UBE2R2: variants seen among roughly 807,000 people sequenced by gnomAD.
UBE2R2 encodes the protein ubiquitin conjugating enzyme E2 R2, also known as ubiquitin-conjugating enzyme E2 R2.
Under a neutral mutation model 27.8 loss-of-function variants are expected in UBE2R2, and 1 was observed. The ratio of observed to expected loss-of-function variants is 0.04; its 90% CI spans 0.01 to 0.17. UBE2R2 has a LOEUF of 0.17. UBE2R2 is among the 10% of genes least tolerant of loss of function. The pLI is 1.00. For missense variants in UBE2R2, 100 were observed against 291.0 expected, an observed-to-expected ratio of 0.34 and a Z score of 4.78; for synonymous variants, 106 against 113.3, an observed-to-expected ratio of 0.94 and a Z score of 0.41.
chr9:33,843,552 C>A (rs1820776724), intron 1 of UBE2R2, among the ~76,000 whole-genome samples: 1 of 151,702 alleles, frequency 6.6e-6, no homozygotes, highest in Non-Finnish European at 1.5e-5. Flanking sequence ...GATCTCAGCT[C>A]ACTGCAACCT....
intron 1 of UBE2R2, among the ~76,000 whole-genome samples, chr9:33,828,216 C>T (rs1290108574): frequency 1.3e-5 from 2 of 149,278 alleles, no homozygotes; most frequent in South Asian, 2.1e-4. Context: ...GCAGAAGAAT[C>T]GCTTGAACCT....
chr9:33,830,347 G>A (rs1205191725), intron 1 of UBE2R2, among the ~76,000 whole-genome samples: 1 of 148,738 alleles, frequency 6.7e-6, no homozygotes, highest in African/African-American at 2.5e-5. Flanking sequence ...GGTAGAGACG[G>A]GGTTTCACCA....
intron 2 of UBE2R2, among the ~76,000 whole-genome samples, chr9:33,890,836 A>C (rs11791701): frequency 0.26 from 40,254 of 151,928 alleles, 5,519 homozygotes; most frequent in South Asian, 0.4. Flanking sequence ...TGGGGGAAGA[A>C]GTGACAAATC....
At chr9:33,837,316 T>G (rs1820635443) in intron 1 of UBE2R2, among the ~76,000 whole-genome samples, 1 of 152,018 alleles carries the variant, frequency 6.6e-6, no homozygotes, top group Non-Finnish European at 1.5e-5. Context: ...CCTCCTGGGC[T>G]CAAGCGATAT....
At chr9:33,874,147 C>T (rs183728778) in intron 1 of UBE2R2, among the ~76,000 whole-genome samples, 10 of 152,144 alleles carry the variant, frequency 6.6e-5, no homozygotes, top group Admixed American at 6.6e-4. Context: ...GGGGTTTCAC[C>T]ATGTTGGCCA....
At chr9:33,827,148 T>A (rs922251936) in intron 1 of UBE2R2, among the ~76,000 whole-genome samples, 23 of 152,160 alleles carry the variant, frequency 1.5e-4, no homozygotes, top group Admixed American at 7.2e-4. Flanking sequence ...TATTATTATT[T>A]TTTGACGCTG....
At chr9:33,907,939 C>T (rs992694223) in intron 3 of UBE2R2, among the ~76,000 whole-genome samples, 4 of 152,064 alleles carry the variant, frequency 2.6e-5, no homozygotes, top group Non-Finnish European at 5.9e-5. Context: ...AACGATTCTC[C>T]TGCCTCAGCC....
At chr9:33,858,925 A>G (rs1468458343) in intron 1 of UBE2R2, among the ~76,000 whole-genome samples, 1 of 152,034 alleles carries the variant, frequency 6.6e-6, no homozygotes, top group Non-Finnish European at 1.5e-5. Context: ...CCCTGGGTTC[A>G]AGCAGTTCTC....
chr9:33,917,651 G>T lies in UBE2R2; in HGVS notation c.*414G>T. On this transcript the variant is annotated 3_prime_UTR_variant, in exon 5 of 5. Coordinates refer to ENST00000263228, the MANE Select transcript of UBE2R2 (RefSeq NM_017811.4). Reference sequence around the variant, plus strand: ...AACCTGTTGGGAGTTCACAAGTGCTGCATATACTGGGTAGCAAAAGAAAAT... The same window carrying T: ...AACCTGTTGGGAGTTCACAAGTGCTTCATATACTGGGTAGCAAAAGAAAAT... The T allele has an allele frequency of 3.4e-6, 1 of 297,554 alleles. No individual in the cohort carries two copies. Among genetic ancestry groups the T allele is most frequent in the Non-Finnish European group, 6.1e-6 (1 of 163,068 alleles). The allele number at this position is 297,554 out of a possible 1,614,324, so 18.4% of individuals were successfully genotyped here.
intron 1 of UBE2R2, among the ~76,000 whole-genome samples, chr9:33,849,934 A>G (rs1820928546): frequency 6.6e-6 from 1 of 152,142 alleles, no homozygotes; most frequent in Non-Finnish European, 1.5e-5. Context: ...ACTAAGGTTC[A>G]CAGGGAGTTG....
intron 3 of UBE2R2, among the ~76,000 whole-genome samples, chr9:33,911,248 A>C (rs541832677): frequency 6.6e-6 from 1 of 151,856 alleles, no homozygotes; most frequent in South Asian, 2.1e-4. Context: ...ATCTCTACTA[A>C]AAATACAAAA....
chr9:33,877,910 C>G (rs1821651402), intron 1 of UBE2R2, among the ~76,000 whole-genome samples: 1 of 150,960 alleles, frequency 6.6e-6, no homozygotes, highest in African/African-American at 2.4e-5. Flanking sequence ...CAACTGCCAT[C>G]ACGCCCAGCT....
At chr9:33,902,659 G>T (rs891096152) in intron 3 of UBE2R2, among the ~76,000 whole-genome samples, 2 of 152,142 alleles carry the variant, frequency 1.3e-5, no homozygotes, top group Admixed American at 1.3e-4. Context: ...TACATGAAAA[G>T]AACTAAAATA....
At chr9:33,826,912 A>G (rs1820326743) in intron 1 of UBE2R2, among the ~76,000 whole-genome samples, 1 of 152,028 alleles carries the variant, frequency 6.6e-6, no homozygotes, top group African/African-American at 2.4e-5. Flanking sequence ...GTGAAACCCC[A>G]CATCTACTGA....
intron 1 of UBE2R2, among the ~76,000 whole-genome samples, chr9:33,825,589 A>G (rs1233792084): frequency 2.0e-5 from 3 of 152,168 alleles, no homozygotes; most frequent in Non-Finnish European, 2.9e-5. Flanking sequence ...ATTTTTCAAC[A>G]TAATGATAAA....
intron 1 of UBE2R2, among the ~76,000 whole-genome samples, chr9:33,881,681 A>G (rs1374712155): frequency 6.6e-6 from 1 of 152,126 alleles, no homozygotes; most frequent in African/African-American, 2.4e-5. Flanking sequence ...TCATGACTAG[A>G]ATGGGGTTAT....
intron 1 of UBE2R2, among the ~76,000 whole-genome samples, chr9:33,839,901 T>C (rs1488845130): frequency 6.6e-6 from 1 of 151,938 alleles, no homozygotes; most frequent in East Asian, 1.9e-4. Context: ...GAGGCTGAGG[T>C]TGGAGGATTG....
At chr9:33,835,995 A>T (rs898226897) in intron 1 of UBE2R2, among the ~76,000 whole-genome samples, 7 of 152,140 alleles carry the variant, frequency 4.6e-5, no homozygotes, top group African/African-American at 1.7e-4. Context: ...CAAAAAGTTA[A>T]AAGTTTGTAT....
intron 1 of UBE2R2, among the ~76,000 whole-genome samples, chr9:33,879,616 C>T (rs539557054): frequency 7.2e-5 from 11 of 151,810 alleles, no homozygotes; most frequent in Admixed American, 4.6e-4. Context: ...CCATGCTTGG[C>T]GAATTTTTGT....
Sources: gnomAD v4.1 joint callset for allele counts (sites outside exome capture counted in the v4.1 genomes callset) on GRCh38, gnomAD v4.1.1 for gene constraint, MANE v1.5 for transcripts, NCBI Gene and HGNC (gene_info 2026-07-23, HGNC 2026-07-21) for gene names.